LIFR: variants seen among roughly 807,000 people sequenced by gnomAD.
LIFR encodes LIF receptor subunit alpha, also known as leukemia inhibitory factor receptor.
A neutral mutation model predicts 122.2 loss-of-function variants in LIFR; 84 were observed. The ratio of observed to expected loss-of-function variants is 0.69; its 90% CI spans 0.58 to 0.82. The LOEUF (loss-of-function observed/expected upper bound fraction) is 0.82. Among genes scored for constraint, LIFR ranks in the 40% least tolerant of loss-of-function variants. The pLI, the probability that LIFR is intolerant of heterozygous loss-of-function variation, is 0.00. For missense variants in LIFR, 1,294 were observed against 1,311.6 expected (o/e 0.99, Z 0.21); for synonymous variants, 422 against 434.7 (o/e 0.97, Z 0.36).
At chr5:38,595,860 G>GT (rs1750083081), upstream of LIFR, among the ~76,000 whole-genome samples, 1 of 71,588 alleles carries the variant, frequency 1.4e-5, no homozygotes, top group African/African-American at 6.1e-5. Flanking sequence ...AGCCTCCCGA[G>GT]TAGCTGGGAC....
chr5:38,489,293 A>G, intron 15 of LIFR, 48 bp from the exon 16 acceptor site: 1 of 1,346,492 alleles, frequency 7.4e-7, no homozygotes, highest in Non-Finnish European at 1.1e-6. Flanking sequence ...ATGAATACAG[A>G]GTAATACAGT....
chr5:38,536,354 TA>T (rs550816519), intron 1 of LIFR, among the ~76,000 whole-genome samples: 7 of 147,144 alleles, frequency 4.8e-5, no homozygotes, highest in East Asian at 2.0e-4. Flanking sequence ...AAAAAAACAG[TA>T]AAAAAAAAAG....
Position 38,480,305 on chromosome 5 carries a change from G to A in LIFR, c.*1290C>T, listed in dbSNP as rs1421559830. ...AAGAACCACAATCACTCCAGACATCGCTTATGAGAAACAAGGGTGGGCAGA... is the reference window on the plus strand; with the variant it reads ...AAGAACCACAATCACTCCAGACATCACTTATGAGAAACAAGGGTGGGCAGA... On this transcript the variant is annotated 3_prime_UTR_variant, in exon 20 of 20. Coordinates refer to ENST00000453190, the MANE Select transcript of LIFR (RefSeq NM_001127671.2). The A allele has an allele frequency of 2.2e-5, 5 of 227,008 alleles. No individual in the cohort carries two copies. Among genetic ancestry groups the A allele is most frequent in the South Asian group, 1.8e-4 (1 of 5,474 alleles). The allele number at this position is 227,008 out of a possible 1,614,324, so 14.1% of individuals were successfully genotyped here.
At chr5:38,591,941 T>G (rs1476810441) in intron 1 of LIFR, among the ~76,000 whole-genome samples, 1 of 152,202 alleles carries the variant, frequency 6.6e-6, no homozygotes, top group Non-Finnish European at 1.5e-5. Context: ...GCTGAGTCTC[T>G]GAGAGATTCA....
At chr5:38,599,562 G>A (rs563108202), upstream of LIFR, among the ~76,000 whole-genome samples, 7 of 152,256 alleles carry the variant, frequency 4.6e-5, no homozygotes, top group South Asian at 1.0e-3. Flanking sequence ...AAATTAGAGA[G>A]GGATAAAAGT....
At chr5:38,551,755 A>C (rs1200714039) in intron 1 of LIFR, among the ~76,000 whole-genome samples, 1 of 152,234 alleles carries the variant, frequency 6.6e-6, no homozygotes, top group African/African-American at 2.4e-5. Flanking sequence ...AAAAGTATAG[A>C]AAAAATCCAC....
intron 5 of LIFR, among the ~76,000 whole-genome samples, chr5:38,515,936 T>A (rs963027013): frequency 5.9e-5 from 9 of 152,240 alleles, no homozygotes; most frequent in African/African-American, 2.2e-4. Context: ...AATAATAGCA[T>A]TAGTGCAAAA....
intron 1 of LIFR, among the ~76,000 whole-genome samples, chr5:38,571,499 G>A (rs1749207759): frequency 7.8e-6 from 1 of 128,088 alleles, no homozygotes. Context: ...AGGTTGCAGT[G>A]AGCCAAGATT....
Position 38,478,980 on chromosome 5 carries a change from A to G in LIFR, c.*2615T>C, listed in dbSNP as rs1743848544. ...TCTAACTGGACAGAGCACAATCAGTATGAGACCACCTTGTAAATGCAGGCA... is the reference window on the plus strand; with the variant it reads ...TCTAACTGGACAGAGCACAATCAGTGTGAGACCACCTTGTAAATGCAGGCA... On this transcript the variant is annotated 3_prime_UTR_variant, in exon 20 of 20. Coordinates refer to ENST00000453190, the MANE Select transcript of LIFR (RefSeq NM_001127671.2). The G allele has an allele frequency of 8.7e-6, 2 of 230,848 alleles. No homozygotes were observed. The highest frequency in any genetic ancestry group is 2.2e-5 in the African/African-American group (1 of 45,244). The allele number at this position is 230,848 out of a possible 1,614,324, so 14.3% of individuals were successfully genotyped here.
At chr5:38,502,858 T>TAC in intron 10 of LIFR, 59 bp from the exon 11 acceptor site, 2 of 1,001,018 alleles carry the variant, frequency 2.0e-6, no homozygotes, top group Admixed American at 5.3e-5. Context: ...AATACATATA[T>TAC]ATATACATAC....
upstream of LIFR, among the ~76,000 whole-genome samples, chr5:38,598,564 C>T (rs1750165573): frequency 6.6e-6 from 1 of 151,960 alleles, no homozygotes; most frequent in African/African-American, 2.4e-5. Context: ...CTAGTGTCAG[C>T]CATAGTGAAT....
At chr5:38,604,778 T>C (rs1189165637) in intron 2 of LIFR, among the ~76,000 whole-genome samples, 1 of 152,134 alleles carries the variant, frequency 6.6e-6, no homozygotes, top group African/African-American at 2.4e-5. Flanking sequence ...CAGGAGGTGC[T>C]GACAACATGT....
At chr5:38,514,910 T>C (rs1302133694) in intron 5 of LIFR, among the ~76,000 whole-genome samples, 1 of 152,190 alleles carries the variant, frequency 6.6e-6, no homozygotes, top group Admixed American at 6.5e-5. Context: ...CTACCGAGCA[T>C]CTTTGAATTC....
chr5:38,587,045 T>A (rs770042111), intron 1 of LIFR, among the ~76,000 whole-genome samples: 1 of 152,202 alleles, frequency 6.6e-6, no homozygotes, highest in East Asian at 1.9e-4. Context: ...TAAGGTAGAC[T>A]GATGTTGGTC....
At chr5:38,571,902 G>A (rs1749226101) in intron 1 of LIFR, among the ~76,000 whole-genome samples, 1 of 152,182 alleles carries the variant, frequency 6.6e-6, no homozygotes. Context: ...TTTGTTTGCA[G>A]GGAGGGCATT....
intron 9 of LIFR, 27 bp from the exon 10 acceptor site, chr5:38,504,148 A>G: frequency 7.1e-7 from 1 of 1,410,016 alleles, no homozygotes; most frequent in South Asian, 1.2e-5. Flanking sequence ...TAAAGATTAA[A>G]CACTTATTTA....
intron 16 of LIFR, 90 bp from the exon 17 acceptor site, chr5:38,486,070 A>C (rs1744271927): frequency 8.1e-7 from 1 of 1,240,736 alleles, no homozygotes; most frequent in Non-Finnish European, 1.2e-6. Flanking sequence ...TGCCCTTCTA[A>C]GTGGGTCTAG....
At chr5:38,603,051 G>A (rs1442227272) in intron 2 of LIFR, among the ~76,000 whole-genome samples, 2 of 152,116 alleles carry the variant, frequency 1.3e-5, no homozygotes, top group African/African-American at 2.4e-5. Context: ...CACTGTGCAC[G>A]CGGGCCGCCC....
At chr5:38,521,518 C>T (rs1439371223) in intron 5 of LIFR, among the ~76,000 whole-genome samples, 2 of 152,114 alleles carry the variant, frequency 1.3e-5, no homozygotes, top group Non-Finnish European at 2.9e-5. Context: ...AGTGGTAAGC[C>T]GAGTATGCCT....
Sources: gnomAD v4.1 joint callset for allele counts (sites outside exome capture counted in the v4.1 genomes callset) on GRCh38, gnomAD v4.1.1 for gene constraint, MANE v1.5 for transcripts, NCBI Gene and HGNC (gene_info 2026-07-23, HGNC 2026-07-21) for gene names.